DMP1: variants seen among roughly 807,000 people sequenced by gnomAD.
DMP1 encodes dentin matrix acidic phosphoprotein 1, also known as dentin matrix protein 1.
DMP1 carries 20 observed loss-of-function variants against 14.6 expected under a neutral mutation model. That is an observed-to-expected ratio of 1.37 (90% CI 0.96 to 1.99). The LOEUF is 1.99. Among genes scored for constraint, DMP1 ranks in the 30% most tolerant of loss-of-function variants. The pLI, the probability that DMP1 is intolerant of heterozygous loss-of-function variation, is 0.00. For synonymous variants in DMP1, 197 were observed against 215.3 expected (o/e 0.91, Z 0.75); for missense variants, 567 against 620.5 (o/e 0.91, Z 0.92).
rs1728908985 is a variant in DMP1 at position 87,662,090 on chromosome 4, CGAT to C, written c.315_317del (p.Asp105del). 6.2e-7 allele frequency: 1 copy of C among 1,614,124 alleles called. No individual in the cohort carries two copies. Among genetic ancestry groups the C allele is most frequent in the Non-Finnish European group, 8.5e-7 (1 of 1,180,026 alleles). Reference sequence around the variant, plus strand: ...GAAAAGGAGGAGATGATAAAGATGACGATGAAGATGACAGTGGAGATGACACCT... The same window carrying C: ...GAAAAGGAGGAGATGATAAAGATGACGAAGATGACAGTGGAGATGACACCT... On this transcript the variant is annotated inframe_deletion, in exon 6 of 6. Coordinates refer to ENST00000339673, the MANE Select transcript of DMP1 (RefSeq NM_004407.4).
intron 5 of DMP1, chr4:87,660,659 C>T (rs1018385586): frequency 3.3e-5 from 5 of 152,278 alleles, no homozygotes; most frequent in East Asian, 3.9e-4. Flanking sequence ...ACTGTCCTTC[C>T]TTACTGGTAC....
intron 1 of DMP1, among the ~76,000 whole-genome samples, chr4:87,654,966 C>T (rs892870571): frequency 2.0e-5 from 3 of 152,136 alleles, no homozygotes; most frequent in African/African-American, 4.8e-5. Flanking sequence ...ACAGGAATTT[C>T]CCTGTGAGAA....
chr4:87,659,542 T>C (rs967575893), intron 5 of DMP1, 64 bp downstream of exon 5: 30 of 1,431,146 alleles, frequency 2.1e-5, no homozygotes, highest in Non-Finnish European at 2.5e-5. Flanking sequence ...TGATGTTAGA[T>C]TAAATTACCT....
intron 1 of DMP1, among the ~76,000 whole-genome samples, chr4:87,651,920 A>G (rs904797223): frequency 6.6e-6 from 1 of 152,156 alleles, no homozygotes; most frequent in African/African-American, 2.4e-5. Flanking sequence ...GAAGATATAT[A>G]TTTTACAAAT....
At chr4:87,653,644 T>TA (rs1728599095) in intron 1 of DMP1, among the ~76,000 whole-genome samples, 1 of 151,856 alleles carries the variant, frequency 6.6e-6, no homozygotes, top group Non-Finnish European at 1.5e-5. Flanking sequence ...TGTGGAACTT[T>TA]AAAAACAAAC....
At position 87,662,963 on chromosome 4, in the gene DMP1, A is replaced by C. The variant is rs142714056; in HGVS notation, c.1185A>C (p.Ser395=). 15 of 1,614,056 alleles carry C rather than the reference A, an allele frequency of 9.3e-6. No homozygotes were observed. The African/African-American group carries it at 1.5e-4, about 16-fold the overall frequency. The change falls in exon 6 of 6, where the codon TCA becomes TCC. Residue 395 remains serine (S), a synonymous_variant. Coordinates refer to ENST00000339673, the MANE Select transcript of DMP1 (RefSeq NM_004407.4). ...EEDSSHTLSH[S]KSESREEQAD... ...ACAGCTCGCACACACTCTCCCACTC[A>C]AAAAGTGAATCCAGAGAGGAGCAAG...
At chr4:87,661,003 C>G (rs985596642) in intron 5 of DMP1, among the ~76,000 whole-genome samples, 1 of 152,100 alleles carries the variant, frequency 6.6e-6, no homozygotes, top group African/African-American at 2.4e-5. Context: ...TAAACCAACT[C>G]TAATTCACAA....
At chr4:87,650,852 A>G (rs1578149607) in intron 1 of DMP1, among the ~76,000 whole-genome samples, 1 of 152,328 alleles carries the variant, frequency 6.6e-6, no homozygotes. Context: ...TCTAGAGAGC[A>G]TCTAGTAACA....
At chr4:87,656,649 T>A in intron 2 of DMP1, 103 bp downstream of exon 2, 1 of 817,038 alleles carries the variant, frequency 1.2e-6, no homozygotes, top group Non-Finnish European at 2.2e-6. Context: ...TCCAGTCCAG[T>A]AAAAATAGTA....
At chr4:87,661,074 T>C (rs1469307971) in intron 5 of DMP1, among the ~76,000 whole-genome samples, 1 of 152,184 alleles carries the variant, frequency 6.6e-6, no homozygotes, top group Admixed American at 6.5e-5. Flanking sequence ...AGTCTCGCTC[T>C]GTCGCCAGGC....
chr4:87,662,693 C>T lies in DMP1; in HGVS notation c.915C>T (p.Gly305=). Reference sequence around the variant, plus strand: ...AAAACAGCAACTCCAGAGACACTGGCCTCAGCCAACCCAGGAGAGACAGCA... The same window carrying T: ...AAAACAGCAACTCCAGAGACACTGGTCTCAGCCAACCCAGGAGAGACAGCA... ...STENSNSRDT[G]LSQPRRDSKG... is the part of the protein sequence containing the mutation. The change falls in exon 6 of 6, where the codon GGC becomes GGT. Residue 305 remains glycine (G), a synonymous_variant. Coordinates refer to ENST00000339673, the MANE Select transcript of DMP1 (RefSeq NM_004407.4). 1 of 1,614,128 alleles carries T rather than the reference C, an allele frequency of 6.2e-7. No individual in the cohort carries two copies. Among genetic ancestry groups the T allele is most frequent in the Non-Finnish European group, 8.5e-7 (1 of 1,180,038 alleles).
intron 5 of DMP1, among the ~76,000 whole-genome samples, chr4:87,661,501 C>T (rs1290259421): frequency 3.3e-5 from 5 of 151,960 alleles, no homozygotes; most frequent in South Asian, 2.1e-4. Flanking sequence ...GGATTACAGG[C>T]GTGAGCCACC....
At position 87,663,493 on chromosome 4, in the gene DMP1, A is replaced by G. The variant is rs532823296; in HGVS notation, c.*173A>G. ...TGTTTTTAGGGTGTCATCATTTCAC[A>G]GAGGTTTAAATACTGTGGAGTGACA... On this transcript the variant is annotated 3_prime_UTR_variant, in exon 6 of 6. Coordinates refer to ENST00000339673, the MANE Select transcript of DMP1 (RefSeq NM_004407.4). 53 of 940,048 alleles carry G rather than the reference A, an allele frequency of 5.6e-5. No individual in the cohort carries two copies. Among genetic ancestry groups the G allele is most frequent in the Non-Finnish European group, 8.1e-5 (50 of 618,792 alleles). 58.2% of individuals were successfully genotyped at this position (940,048 alleles called of 1,614,324 possible).
At chr4:87,656,381 G>C in intron 1 of DMP1, 91 bp from the exon 2 acceptor site, 2 of 782,750 alleles carry the variant, frequency 2.6e-6, no homozygotes, top group East Asian at 2.4e-5. Flanking sequence ...ATGGACATTT[G>C]GATGAATTTT....
chr4:87,659,049 T>C, intron 3 of DMP1, 171 bp from the exon 4 acceptor site: 1 of 680,376 alleles, frequency 1.5e-6, no homozygotes, highest in South Asian at 1.9e-5. Flanking sequence ...CATTAGTCAT[T>C]TTACTTTCCT....
intron 1 of DMP1, among the ~76,000 whole-genome samples, chr4:87,652,063 A>G (rs967844643): frequency 1.3e-5 from 2 of 152,168 alleles, no homozygotes; most frequent in African/African-American, 4.8e-5. Context: ...TTTCAACTCT[A>G]TGAAAACAAT....
At chr4:87,655,295 C>T (rs1291397764) in intron 1 of DMP1, among the ~76,000 whole-genome samples, 1 of 152,158 alleles carries the variant, frequency 6.6e-6, no homozygotes, top group Non-Finnish European at 1.5e-5. Flanking sequence ...TAAATTTTTA[C>T]TTTAGCATCT....
chr4:87,662,164 G>GTCCC lies in DMP1; in HGVS notation c.386_387insTCCC (p.Gly130ProfsTer9). ...CCAGGGCCCAAAGACAGACAAGAAG[G>GTCCC]AGGAAACTCCAGACTGGGAAGTGAT... is the stretch of plus-strand genomic sequence containing the variant. On this transcript the variant is annotated frameshift_variant, in exon 6 of 6. Coordinates refer to ENST00000339673, the MANE Select transcript of DMP1 (RefSeq NM_004407.4). LOFTEE classifies it low-confidence loss of function (END_TRUNC). 1 of 1,614,230 alleles carries GTCCC rather than the reference G, an allele frequency of 6.2e-7. No individual in the cohort carries two copies. Among genetic ancestry groups the GTCCC allele is most frequent in the Non-Finnish European group, 8.5e-7 (1 of 1,180,042 alleles).
At chr4:87,656,286 C>T (rs1560490860) in intron 1 of DMP1, among the ~76,000 whole-genome samples, 186 bp from the exon 2 acceptor site, 1 of 152,218 alleles carries the variant, frequency 6.6e-6, no homozygotes, top group African/African-American at 2.4e-5. Context: ...CTCTGCAGCA[C>T]ATGTCAGTAC....
Sources: gnomAD v4.1 joint callset for allele counts (sites outside exome capture counted in the v4.1 genomes callset) on GRCh38, gnomAD v4.1.1 for gene constraint, MANE v1.5 for transcripts, NCBI Gene and HGNC (gene_info 2026-07-23, HGNC 2026-07-21) for gene names.